Variants in SUGP1 observed in about 807,000 individuals in gnomAD.
SUGP1 encodes the protein SURP and G-patch domain-containing protein 1.
A neutral mutation model predicts 76.5 loss-of-function variants in SUGP1; 34 were observed. That is an observed-to-expected ratio of 0.44 (90% CI 0.34 to 0.59). SUGP1 has a LOEUF of 0.59. Ranked by LOEUF, SUGP1 falls within the 20% of genes least tolerant of loss-of-function variation. The probability of loss-of-function intolerance (pLI) is 0.01; values close to 1 mark genes in which losing one functional copy is unlikely to be tolerated. For synonymous variants in SUGP1, 326 were observed against 326.2 expected, an observed-to-expected ratio of 1.00 and a Z score of 0.01; for missense variants, 752 against 851.7, an observed-to-expected ratio of 0.88 and a Z score of 1.46.
intron 2 of SUGP1, among the ~76,000 whole-genome samples, chr19:19,312,966 G>A (rs1188518358): frequency 6.6e-6 from 1 of 150,750 alleles, no homozygotes; most frequent in Admixed American, 6.6e-5. Flanking sequence ...CTCCAGCCTG[G>A]GCAACAGCGC....
intron 8 of SUGP1, among the ~76,000 whole-genome samples, chr19:19,283,360 C>A (rs1599846648): frequency 6.6e-6 from 1 of 151,680 alleles, no homozygotes; most frequent in African/African-American, 2.4e-5. Context: ...TCCGCCTCCA[C>A]CTCCCGGGTT....
intron 8 of SUGP1, among the ~76,000 whole-genome samples, chr19:19,286,300 G>A (rs1051767817): frequency 6.6e-6 from 1 of 152,108 alleles, no homozygotes; most frequent in East Asian, 1.9e-4. Context: ...TTGGGGGGTC[G>A]TAAAAACCCT....
chr19:19,308,804 T>A (rs1659176211), intron 3 of SUGP1, among the ~76,000 whole-genome samples: 1 of 152,108 alleles, frequency 6.6e-6, no homozygotes, highest in Admixed American at 6.5e-5. Context: ...GAAATCTGAC[T>A]TATCTGTCTC....
chr19:19,303,690 A>ACTGTG, intron 5 of SUGP1, 34 bp downstream of exon 5: 1 of 1,612,792 alleles, frequency 6.2e-7, no homozygotes, highest in Non-Finnish European at 8.5e-7. Context: ...AACGCATTCA[A>ACTGTG]CAGCACAGCC....
chr19:19,320,398 A>T, intron 1 of SUGP1, 65 bp downstream of exon 1: 1 of 1,556,718 alleles, frequency 6.4e-7, no homozygotes, highest in Non-Finnish European at 8.8e-7. Flanking sequence ...GGACCCGAGG[A>T]GTCAGGGGAG....
chr19:19,314,598 C>A (rs2061378854), intron 2 of SUGP1, among the ~76,000 whole-genome samples: 1 of 152,168 alleles, frequency 6.6e-6, no homozygotes, highest in South Asian at 2.1e-4. Flanking sequence ...GGCCTGCCCC[C>A]ATACTCACAC....
intron 3 of SUGP1, among the ~76,000 whole-genome samples, chr19:19,308,232 C>G (rs980848382): frequency 3.9e-5 from 6 of 152,022 alleles, no homozygotes; most frequent in Admixed American, 3.9e-4. Context: ...GGAGACTTAG[C>G]CATGTTGCCC....
chr19:19,280,726 C>T (rs1294118133), intron 8 of SUGP1: 12 of 171,936 alleles, frequency 7.0e-5, no homozygotes, highest in South Asian at 1.5e-4. Flanking sequence ...GGTGTAAGCG[C>T]GCACAGATTC....
At chr19:19,308,158 T>A (rs2061330248) in intron 3 of SUGP1, among the ~76,000 whole-genome samples, 1 of 151,796 alleles carries the variant, frequency 6.6e-6, no homozygotes, top group Non-Finnish European at 1.5e-5. Flanking sequence ...AGCCCCCCCA[T>A]TAGTTGGGGT....
rs1052519201 is a variant in SUGP1 at position 19,276,312 on chromosome 19, A to C, written c.*336T>G. 1.9e-5 allele frequency: 5 copies of C among 257,216 alleles called. No homozygotes were observed. Among genetic ancestry groups the C allele is most frequent in the Non-Finnish European group, 3.0e-5 (4 of 131,384 alleles). 15.9% of individuals were successfully genotyped at this position (257,216 alleles called of 1,614,324 possible). A position where few individuals can be genotyped will look rare whatever the true frequency, so the allele number is the denominator to read the frequency against. ...GTGATCCGCCCGCCTTGGCCTCTCA[A>C]AGTGCTGGGATGACAGGGGTGAGAC... On this transcript the variant is annotated 3_prime_UTR_variant, in exon 14 of 14. Coordinates refer to ENST00000247001, the MANE Select transcript of SUGP1 (RefSeq NM_172231.4).
chr19:19,288,755 CA>C (rs975210700), intron 8 of SUGP1, among the ~76,000 whole-genome samples: 5 of 149,650 alleles, frequency 3.3e-5, no homozygotes, highest in South Asian at 2.1e-4. Context: ...GACCCTGCCT[CA>C]AAAAAAAAGT....
At chr19:19,302,584 C>G (rs2315023) in intron 6 of SUGP1, 196 bp from the exon 7 acceptor site, 2 of 712,356 alleles carry the variant, frequency 2.8e-6, no homozygotes, top group Admixed American at 3.2e-5. Flanking sequence ...CCCCGACCCC[C>G]GCCCCGTCCC....
At chr19:19,277,223 G>GT in intron 12 of SUGP1, 147 bp from the exon 13 acceptor site, 1 of 479,230 alleles carries the variant, frequency 2.1e-6, no homozygotes, top group Non-Finnish European at 3.3e-6. Flanking sequence ...AACCTGAATG[G>GT]TCAAGGAGGG....
chr19:19,295,244 C>T (rs2061216106), intron 8 of SUGP1, among the ~76,000 whole-genome samples: 1 of 151,380 alleles, frequency 6.6e-6, no homozygotes, highest in Non-Finnish European at 1.5e-5. Context: ...AAAAAATTAG[C>T]TGAGCATGGT....
At chr19:19,288,541 G>C (rs1451331707) in intron 8 of SUGP1, among the ~76,000 whole-genome samples, 2 of 151,926 alleles carry the variant, frequency 1.3e-5, no homozygotes, top group East Asian at 1.9e-4. Flanking sequence ...CAGACCACTT[G>C]AGCTCAGTTT....
At chr19:19,318,424 T>TTTTTG (rs922181896) in intron 1 of SUGP1, among the ~76,000 whole-genome samples, 8 of 151,934 alleles carry the variant, frequency 5.3e-5, no homozygotes, top group African/African-American at 7.2e-5. Flanking sequence ...CCAGCCGTTT[T>TTTTTG]TTTTGTTTTG....
intron 8 of SUGP1, 166 bp from the exon 9 acceptor site, chr19:19,280,457 C>T (rs1362517089): frequency 3.1e-6 from 2 of 638,570 alleles, no homozygotes; most frequent in South Asian, 1.8e-5. Context: ...CTCGGGGTCC[C>T]GCTGTGTGCT....
In SUGP1 at chr19:19,320,473, C is replaced by T; in HGVS notation, c.24G>A (p.Arg8=). 1 of 1,610,236 alleles carries T rather than the reference C, an allele frequency of 6.2e-7. No individual in the cohort carries two copies. The highest frequency in any genetic ancestry group is 8.5e-7 in the Non-Finnish European group (1 of 1,178,632). ...GGCGGGGGCTGTTACCTGCAACATC[C>T]CGGTTGTCCATCTTGAGACTCATCC... is the stretch of plus-strand genomic sequence containing the variant. MSLKMDN[R]DVAGKANRWF... is the part of the protein sequence containing the mutation. Residue 8 remains arginine, a synonymous_variant, in exon 1 of 14, where the codon CGG becomes CGA. Coordinates refer to ENST00000247001, the MANE Select transcript of SUGP1 (RefSeq NM_172231.4).
At chr19:19,278,010 A>C in intron 11 of SUGP1, 131 bp from the exon 12 acceptor site, 1 of 1,106,212 alleles carries the variant, frequency 9.0e-7, no homozygotes, top group Non-Finnish European at 1.3e-6. Context: ...ACCAGATCAG[A>C]CTCCTTGAGA....
Sources: allele counts gnomAD v4.1 joint callset (sites outside exome capture counted in the v4.1 genomes callset), GRCh38; gene constraint gnomAD v4.1.1; transcripts MANE v1.5; gene names NCBI Gene and HGNC (gene_info 2026-07-23, HGNC 2026-07-21).